Variants in SH3RF3 observed in about 807,000 individuals in gnomAD.
SH3RF3 encodes E3 ubiquitin-protein ligase SH3RF3.
SH3RF3 carries 29 observed loss-of-function variants against 66.3 expected under a neutral mutation model. The ratio of observed to expected loss-of-function variants is 0.44; its 90% CI spans 0.33 to 0.60. The LOEUF is 0.60. SH3RF3 is among the 20% of genes least tolerant of loss of function. The pLI is 0.04. For synonymous variants in SH3RF3, 583 were observed against 532.0 expected (o/e 1.10, Z -1.32); for missense variants, 1,194 against 1,190.9 (o/e 1.00, Z -0.04).
intron 2 of SH3RF3, among the ~76,000 whole-genome samples, chr2:109,369,210 T>C (rs998144947): frequency 7.0e-6 from 1 of 142,770 alleles, no homozygotes; most frequent in South Asian, 2.3e-4. Flanking sequence ...TAGCCGGGAG[T>C]GGTGGTGAGC....
At chr2:109,395,478 G>A (rs1450862086) in intron 3 of SH3RF3, among the ~76,000 whole-genome samples, 1 of 152,166 alleles carries the variant, frequency 6.6e-6, no homozygotes, top group Non-Finnish European at 1.5e-5. Context: ...CTTTGGATGA[G>A]GCATTGAGGA....
intron 1 of SH3RF3, among the ~76,000 whole-genome samples, chr2:109,291,681 G>T (rs1397144588): frequency 6.6e-6 from 1 of 152,154 alleles, no homozygotes; most frequent in Admixed American, 6.5e-5. Context: ...AGATCCTCTG[G>T]CCTTAAGTCG....
At chr2:109,275,065 A>G (rs1680722525) in intron 1 of SH3RF3, among the ~76,000 whole-genome samples, 1 of 152,254 alleles carries the variant, frequency 6.6e-6, no homozygotes, top group Non-Finnish European at 1.5e-5. Flanking sequence ...CCCTTAGAAC[A>G]TCTCAGAACA....
Position 109,490,607 on chromosome 2 carries a change from A to G in SH3RF3, c.2151A>G (p.Lys717=), listed in dbSNP as rs776620352. The change falls in exon 9 of 10, where the codon AAA becomes AAG. Residue 717 remains lysine, a splice_region_variant and synonymous_variant. Transcript: ENST00000309415. ...TTCCATCTTGTGTGTCTCCCCAGAA[A>G]GAGAAGAAGAGTGGGCTCCTGAAGC... ...CKLDEKKSEK[K]EKKSGLLKLL... 10 of 1,430,818 alleles carry G rather than the reference A, an allele frequency of 7.0e-6. No individual in the cohort carries two copies. Among genetic ancestry groups the G allele is most frequent in the African/African-American group, 1.4e-5 (1 of 69,636 alleles). The allele number at this position is 1,430,818 out of a possible 1,614,324, so 88.6% of individuals were successfully genotyped here.
At position 109,173,833 on chromosome 2, in the gene SH3RF3, C is replaced by T. The variant is rs146036556; in HGVS notation, c.573+43720C>T. On this transcript the variant is annotated intron_variant, in intron 1 of 9. Transcript: ENST00000309415. ...TGCGATGGGGCTGGAACACTGCCGT[C>T]GTCCTTGGAATTGGATGTTCAGACT... 9.3e-4 allele frequency among the ~76,000 whole-genome samples: 141 copies of T among 152,322 alleles called. 1 individual carries two copies. The highest frequency in any genetic ancestry group is 3.2e-3 in the African/African-American group (132 of 41,570).
intron 3 of SH3RF3, among the ~76,000 whole-genome samples, chr2:109,384,832 A>T (rs1329961667): frequency 6.6e-6 from 1 of 152,026 alleles, no homozygotes; most frequent in Non-Finnish European, 1.5e-5. Flanking sequence ...CCTCAGGGTA[A>T]CTCCAACCCG....
At chr2:109,451,022 T>C (rs1318802844) in intron 8 of SH3RF3, among the ~76,000 whole-genome samples, 1 of 152,168 alleles carries the variant, frequency 6.6e-6, no homozygotes, top group Non-Finnish European at 1.5e-5. Context: ...CAGGCCCTGC[T>C]CCCCTGTCCT....
intron 8 of SH3RF3, among the ~76,000 whole-genome samples, chr2:109,453,576 C>T (rs1677949594): frequency 6.6e-6 from 1 of 152,182 alleles, no homozygotes; most frequent in South Asian, 2.1e-4. Flanking sequence ...AACCACCCGA[C>T]CGGCCATCAC....
intron 1 of SH3RF3, among the ~76,000 whole-genome samples, chr2:109,232,368 T>C (rs532439077): frequency 2.6e-5 from 4 of 152,332 alleles, no homozygotes; most frequent in East Asian, 3.9e-4. Flanking sequence ...AGTATAAATA[T>C]GGCTCAGGTT....
chr2:109,442,175 T>C (rs1200241507), intron 7 of SH3RF3, among the ~76,000 whole-genome samples: 1 of 151,874 alleles, frequency 6.6e-6, no homozygotes, highest in Non-Finnish European at 1.5e-5. Context: ...GCCAGGCGTG[T>C]TGGCGGGCGC....
intron 1 of SH3RF3, among the ~76,000 whole-genome samples, chr2:109,193,497 AATC>A (rs1320498760): frequency 6.6e-6 from 1 of 152,202 alleles, no homozygotes; most frequent in African/African-American, 2.4e-5. Context: ...ATATGAATGG[AATC>A]ATACAGTTTG....
chr2:109,330,707 G>A lies in SH3RF3; in HGVS notation c.574-16967G>A, dbSNP rs527316319. Among the ~76,000 whole-genome samples, 32 of 152,200 alleles carry A rather than the reference G, an allele frequency of 2.1e-4. No homozygotes were observed. In the South Asian group the frequency reaches 5.2e-3, roughly 25 times the overall value. The stretch of plus-strand genomic sequence containing the variant: ...GATGAATGATGGATGGATACATGAC[G>A]GATGGATGAATAAACAAATAAATGG... On this transcript the variant is annotated intron_variant, in intron 1 of 9. Transcript: ENST00000309415.
Position 109,159,115 on chromosome 2 carries a change from T to A in SH3RF3, c.573+29002T>A, listed in dbSNP as rs111810022. Among the ~76,000 whole-genome samples the A allele has an allele frequency of 6.9e-3, 1,004 of 144,898 alleles. 10 individuals carry two copies. Among genetic ancestry groups the A allele is most frequent in the African/African-American group, 0.023 (942 of 40,292 alleles). On this transcript the variant is annotated intron_variant, in intron 1 of 9. Coordinates refer to ENST00000309415, the MANE Select transcript of SH3RF3 (RefSeq NM_001099289.3). The stretch of plus-strand genomic sequence containing the variant: ...CTGGGCGACAGAGTGAGATTCGGTC[T>A]CAAAACAAAGAAACAAAAAGGTGCC...
chr2:109,378,909 A>G (rs1683449939), intron 3 of SH3RF3, among the ~76,000 whole-genome samples: 1 of 152,004 alleles, frequency 6.6e-6, no homozygotes, highest in Non-Finnish European at 1.5e-5. Context: ...TCAGCTGAAG[A>G]CTCCAGGGGA....
chr2:109,291,283 T>C (rs868698675), intron 1 of SH3RF3, among the ~76,000 whole-genome samples: 3 of 144,514 alleles, frequency 2.1e-5, no homozygotes, highest in Non-Finnish European at 4.5e-5. Flanking sequence ...GTAATCTCTT[T>C]TTTTTTTTTT....
intron 1 of SH3RF3, among the ~76,000 whole-genome samples, chr2:109,199,612 T>TC: frequency 0.045 from 15 of 334 alleles, no homozygotes; most frequent in Non-Finnish European, 0.062. Flanking sequence ...TGGAATGGAA[T>TC]GGAATGGAAT....
At chr2:109,492,623 T>C (rs1316053186) in intron 9 of SH3RF3, among the ~76,000 whole-genome samples, 1 of 152,152 alleles carries the variant, frequency 6.6e-6, no homozygotes, top group African/African-American at 2.4e-5. Flanking sequence ...TATCCTCGTT[T>C]TACAGATGAG....
chr2:109,232,572 T>C (rs1421649303), intron 1 of SH3RF3, among the ~76,000 whole-genome samples: 1 of 152,214 alleles, frequency 6.6e-6, no homozygotes, highest in African/African-American at 2.4e-5. Flanking sequence ...TTTCTCATCA[T>C]GCCTAAAAGG....
intron 1 of SH3RF3, among the ~76,000 whole-genome samples, chr2:109,203,412 G>T (rs571767942): frequency 1.3e-5 from 2 of 152,160 alleles, no homozygotes; most frequent in Admixed American, 6.5e-5. Flanking sequence ...CCCTACGAGC[G>T]CATCACCTGT....
Sources: gnomAD v4.1 joint callset for allele counts (sites outside exome capture counted in the v4.1 genomes callset) on GRCh38, gnomAD v4.1.1 for gene constraint, MANE v1.5 for transcripts, NCBI Gene and HGNC (gene_info 2026-07-23, HGNC 2026-07-21) for gene names.